Variants in HERC6 observed in about 807,000 individuals in gnomAD.
The protein encoded by HERC6 is probable E3 ubiquitin-protein ligase HERC6.
Under a neutral mutation model 114.5 loss-of-function variants are expected in HERC6, and 101 were observed. That is an observed-to-expected ratio of 0.88 (90% CI 0.75 to 1.04). The LOEUF is 1.04. Among genes scored for constraint, HERC6 ranks in the 50% least tolerant of loss-of-function variants. HERC6 has a pLI of 0.00. For synonymous variants in HERC6, 408 were observed against 436.2 expected (o/e 0.94, Z 0.81); for missense variants, 1,133 against 1,230.9 (o/e 0.92, Z 1.19).
intron 3 of HERC6, among the ~76,000 whole-genome samples, chr4:88,389,898 C>T (rs1734801790): frequency 6.6e-6 from 1 of 151,940 alleles, no homozygotes; most frequent in Admixed American, 6.6e-5. Flanking sequence ...CAAACTCAGC[C>T]AGGCACGGTA....
intron 8 of HERC6, chr4:88,399,506 C>T (rs1206244813): frequency 1.3e-5 from 2 of 152,296 alleles, no homozygotes; most frequent in Non-Finnish European, 2.9e-5. Context: ...CATGGTGGCT[C>T]ACGCCTGTAA....
intron 8 of HERC6, among the ~76,000 whole-genome samples, chr4:88,400,859 A>T (rs1735498033): frequency 6.6e-6 from 1 of 152,042 alleles, no homozygotes; most frequent in Non-Finnish European, 1.5e-5. Context: ...AACAGGAAAA[A>T]ACAGTCAATA....
rs577591111 is a variant in HERC6 at position 88,393,642 on chromosome 4, T to C, written c.759+60T>C. On this transcript the variant is annotated intron_variant, in intron 5 of 22. Transcript: ENST00000264346. ...CAGAGAAATGGTAACAAGATACATATGTACTAATTATTGTTGAAAGACAGA... is the reference window on the plus strand; with the variant it reads ...CAGAGAAATGGTAACAAGATACATACGTACTAATTATTGTTGAAAGACAGA... 7 of 993,560 alleles carry C rather than the reference T, an allele frequency of 7.0e-6. No homozygotes were observed. The East Asian group carries it at 7.7e-5, about 11-fold the overall frequency. The allele number at this position is 993,560 out of a possible 1,614,324, so 61.5% of individuals were successfully genotyped here.
At chr4:88,418,312 A>T (rs1216872570) in intron 13 of HERC6, among the ~76,000 whole-genome samples, 1 of 152,170 alleles carries the variant, frequency 6.6e-6, no homozygotes, top group East Asian at 1.9e-4. Context: ...TAAGAAAAAA[A>T]ACCCAGAATC....
chr4:88,413,933 GA>G (rs1736275080), intron 12 of HERC6, among the ~76,000 whole-genome samples: 2 of 152,092 alleles, frequency 1.3e-5, no homozygotes, highest in South Asian at 4.1e-4. Context: ...ATTATCTTTT[GA>G]AAAAATACAT....
chr4:88,418,787 T>C (rs138970123), intron 13 of HERC6, among the ~76,000 whole-genome samples: 1 of 152,210 alleles, frequency 6.6e-6, no homozygotes, highest in East Asian at 1.9e-4. Flanking sequence ...AGTGCAGTGG[T>C]GTGATCTTGG....
intron 13 of HERC6, among the ~76,000 whole-genome samples, chr4:88,420,641 A>G (rs1217419099): frequency 6.6e-6 from 1 of 152,158 alleles, no homozygotes; most frequent in East Asian, 1.9e-4. Context: ...TTGAGATATA[A>G]TTCTCTCATT....
intron 10 of HERC6, among the ~76,000 whole-genome samples, chr4:88,406,146 G>A (rs560069850): frequency 6.6e-6 from 1 of 152,328 alleles, no homozygotes; most frequent in African/African-American, 2.4e-5. Context: ...CTCCAATATG[G>A]CACCTGTGTG....
At chr4:88,414,838 A>G (rs560166889) in intron 12 of HERC6, among the ~76,000 whole-genome samples, 1 of 151,456 alleles carries the variant, frequency 6.6e-6, no homozygotes. Flanking sequence ...TCTTGTGCTG[A>G]CCTCCGATCT....
In HERC6 at chr4:88,424,688, C is replaced by T; in HGVS notation, c.1921C>T (p.His641Tyr). The T allele has an allele frequency of 6.3e-7, 1 of 1,596,114 alleles. No individual in the cohort carries two copies. Among genetic ancestry groups the T allele is most frequent in the South Asian group, 1.1e-5 (1 of 89,296 alleles). The change falls in exon 15 of 23, where the codon CAT (histidine) becomes TAT (tyrosine). Residue 641 changes from histidine (H) to tyrosine (Y), a missense_variant. Physicochemically the swap from His to Tyr is moderately conservative, Grantham distance 83. Transcript: ENST00000264346. Reference sequence around the variant, plus strand: ...AATTAAATTATTGCAAGCTGATTCACATATAAAGATGCAGGTATGTATGTC... The same window carrying T: ...AATTAAATTATTGCAAGCTGATTCATATATAAAGATGCAGGTATGTATGTC... ...SKIKLLQADS[H>Y]IKMQMSEKKA...
At chr4:88,380,665 C>T (rs1339607258) in intron 1 of HERC6, among the ~76,000 whole-genome samples, 1 of 149,004 alleles carries the variant, frequency 6.7e-6, no homozygotes, top group Non-Finnish European at 1.5e-5. Flanking sequence ...TGCAGTGAGC[C>T]GAAATCGCGA....
intron 7 of HERC6, 43 bp from the exon 8 acceptor site, chr4:88,398,099 T>A: frequency 7.5e-7 from 1 of 1,338,726 alleles, no homozygotes; most frequent in Non-Finnish European, 1.0e-6. Context: ...GATTTATTTT[T>A]ACTTCTAGAA....
chr4:88,396,791 A>G, intron 6 of HERC6, 60 bp from the exon 7 acceptor site: 1 of 1,409,030 alleles, frequency 7.1e-7, no homozygotes, highest in Non-Finnish European at 9.4e-7. Flanking sequence ...AAGGGACATC[A>G]TCTTTCTCAA....
At chr4:88,395,939 G>A in intron 5 of HERC6, 76 bp from the exon 6 acceptor site, 1 of 1,365,368 alleles carries the variant, frequency 7.3e-7, no homozygotes, top group South Asian at 1.5e-5. Context: ...ATTAACTCTT[G>A]TATGACACTT....
intron 22 of HERC6, 43 bp from the exon 23 acceptor site, chr4:88,442,191 C>T (rs1311967765): frequency 1.5e-6 from 2 of 1,362,836 alleles, no homozygotes; most frequent in East Asian, 2.4e-5. Flanking sequence ...TTATGTTTTA[C>T]TCTTTCTATG....
At chr4:88,394,896 A>G (rs1283949171) in intron 5 of HERC6, among the ~76,000 whole-genome samples, 2 of 152,208 alleles carry the variant, frequency 1.3e-5, no homozygotes, top group African/African-American at 4.8e-5. Flanking sequence ...AAATTATTAT[A>G]GAAGCAACAA....
chr4:88,380,936 T>C (rs1013510402), intron 1 of HERC6, among the ~76,000 whole-genome samples: 16 of 152,122 alleles, frequency 1.1e-4, no homozygotes, highest in African/African-American at 3.6e-4. Context: ...GCAGTATTTA[T>C]GCAACTCTGT....
intron 10 of HERC6, among the ~76,000 whole-genome samples, chr4:88,408,089 C>G (rs1264872231): frequency 6.6e-6 from 1 of 152,156 alleles, no homozygotes; most frequent in Non-Finnish European, 1.5e-5. Context: ...CCATGATGAA[C>G]AATTTACATT....
rs769459098 is a variant in HERC6, at chr4:88,379,079, G to A, written c.158G>A (p.Gly53Asp). Residue 53 changes from glycine (G) to aspartate (D), a missense_variant, in exon 1 of 23, where the codon GGT becomes GAT. Around this residue, in one of 3 missense-constraint regions of HERC6, gnomAD observed 735 missense variants for 754.0 expected, o/e 0.97. Coordinates refer to ENST00000264346, the MANE Select transcript of HERC6 (RefSeq NM_017912.4). ...RVLSCGDNSRGQLGRRGAQRG... is the reference protein window; with the variant it reads ...RVLSCGDNSRDQLGRRGAQRG... ...CTCTCGTGCGGAGACAACAGCAGGG[G>A]TCAGCTGGGCCGCAGGGGCGCGCAG... 1.3e-6 allele frequency: 2 copies of A among 1,550,154 alleles called. No homozygotes were observed. The highest frequency in any genetic ancestry group is 4.9e-5 in the East Asian group (2 of 41,060).
Sources: allele counts gnomAD v4.1 joint callset (sites outside exome capture counted in the v4.1 genomes callset), GRCh38; gene constraint gnomAD v4.1.1; regional missense constraint gnomAD v4.1.1; transcripts MANE v1.5; gene names NCBI Gene and HGNC (gene_info 2026-07-23, HGNC 2026-07-21).